DPP6: variants seen among roughly 807,000 people sequenced by gnomAD.
DPP6 encodes A-type potassium channel modulatory protein DPP6.
DPP6 carries 69 observed loss-of-function variants against 122.6 expected under a neutral mutation model. The observed-to-expected ratio is 0.56, with a 90% confidence interval of 0.46 to 0.69. The LOEUF (loss-of-function observed/expected upper bound fraction) is 0.69, where lower values mean the gene tolerates loss of function less well. Among genes scored for constraint, DPP6 ranks in the 30% least tolerant of loss-of-function variants. DPP6 has a pLI of 0.00. For synonymous variants in DPP6, 418 were observed against 433.1 expected (o/e 0.97, Z 0.43); for missense variants, 928 against 1,116.9 (o/e 0.83, Z 2.41).
intron 1 of DPP6, among the ~76,000 whole-genome samples, chr7:154,196,349 G>A (rs1038636308): frequency 3.3e-5 from 5 of 152,136 alleles, no homozygotes; most frequent in African/African-American, 1.2e-4. Context: ...AATTAGCTGG[G>A]CACGTTGGTT....
chr7:154,829,504 G>GAAGA (rs112426473), intron 16 of DPP6, among the ~76,000 whole-genome samples: 112,115 of 140,574 alleles, frequency 0.8, 45,020 homozygotes, highest in Non-Finnish European at 0.84. Flanking sequence ...GGGAAGGAAG[G>GAAGA]AAGGAAGGAA....
intron 1 of DPP6, among the ~76,000 whole-genome samples, chr7:154,225,911 G>A (rs552258417): frequency 6.6e-6 from 1 of 152,186 alleles, no homozygotes; most frequent in East Asian, 1.9e-4. Context: ...ATGCTTCAAA[G>A]CAACCTCACA....
At position 154,755,424 on chromosome 7, in the gene DPP6, T is replaced by C. The variant is rs1214462678; in HGVS notation, c.884-13993T>C. Among the ~76,000 whole-genome samples the C allele has an allele frequency of 6.6e-6, 1 of 152,286 alleles. No homozygotes were observed. The highest frequency in any genetic ancestry group is 1.5e-5 in the Non-Finnish European group (1 of 68,024). ...GAAATGTCTCTGTCAGTATTTCCCA[T>C]GGGTTATCTCTCACTTACTAGCTGT... On this transcript the variant is annotated intron_variant, in intron 8 of 25. Coordinates refer to ENST00000377770, the MANE Select transcript of DPP6 (RefSeq NM_130797.4). The surrounding 1 kb of genome is among the most constrained non-coding windows in gnomAD (Gnocchi z 4.7).
chr7:154,242,090 C>T (rs1801657316), intron 1 of DPP6, among the ~76,000 whole-genome samples: 2 of 152,208 alleles, frequency 1.3e-5, no homozygotes, highest in African/African-American at 2.4e-5. Flanking sequence ...AAAGTGCTGT[C>T]AGTTCCCTCT....
intron 1 of DPP6, among the ~76,000 whole-genome samples, chr7:153,920,981 C>T (rs1229824238): frequency 1.3e-5 from 2 of 152,242 alleles, no homozygotes; most frequent in African/African-American, 4.8e-5. Flanking sequence ...AGGGCATCTA[C>T]CCACACGATC....
chr7:153,935,337 C>A (rs546299170), intron 1 of DPP6, among the ~76,000 whole-genome samples: 9 of 152,220 alleles, frequency 5.9e-5, no homozygotes, highest in South Asian at 2.1e-4. Context: ...CTCCTCTAAC[C>A]CTAGCGTTAG....
chr7:154,082,610 T>A (rs142652512), intron 1 of DPP6, among the ~76,000 whole-genome samples: 3,467 of 152,012 alleles, frequency 0.023, 147 homozygotes, highest in African/African-American at 0.079. Flanking sequence ...TAAGCATTAG[T>A]TGCCATTCCT....
At chr7:154,615,032 A>G (rs896186884) in intron 5 of DPP6, among the ~76,000 whole-genome samples, 32 of 152,124 alleles carry the variant, frequency 2.1e-4, no homozygotes, top group African/African-American at 7.7e-4. Context: ...CCCCTATTTG[A>G]CAAGAGACGG....
chr7:154,510,963 CACACACACAGAG>C (rs1298279416), intron 3 of DPP6, among the ~76,000 whole-genome samples: 4 of 129,918 alleles, frequency 3.1e-5, no homozygotes, highest in Non-Finnish European at 6.8e-5. Flanking sequence ...CACACACACA[CACACACACAGAG>C]AGAGAGAGAG....
At chr7:153,936,449 A>G (rs1801444919) in intron 1 of DPP6, among the ~76,000 whole-genome samples, 1 of 152,054 alleles carries the variant, frequency 6.6e-6, no homozygotes. Context: ...CAGTGCATAG[A>G]TAGACGGTGT....
rs1345818922 is a variant in DPP6, at chr7:154,481,985, G to C, written c.457+6948G>C. 1.3e-5 allele frequency among the ~76,000 whole-genome samples: 2 copies of C among 152,188 alleles called. No homozygotes were observed. The highest frequency in any genetic ancestry group is 2.4e-5 in the African/African-American group (1 of 41,436). Reference sequence around the variant, plus strand: ...GTGGCCGTCCACGAAGACTTCTTGGGCATTTTCTCATTTGATACTTAAACA... The same window carrying C: ...GTGGCCGTCCACGAAGACTTCTTGGCCATTTTCTCATTTGATACTTAAACA... On this transcript the variant is annotated intron_variant, in intron 3 of 25. Transcript: ENST00000377770. The surrounding 1 kb of genome is among the most constrained non-coding windows in gnomAD (Gnocchi z 4.2).
the DPP6 span, among the ~76,000 whole-genome samples, chr7:153,869,086 T>C: frequency 6.6e-6 from 1 of 152,304 alleles, no homozygotes; most frequent in African/African-American, 2.4e-5. Flanking sequence ...GTGGTCAATT[T>C]TGGAATAGGT....
intron 1 of DPP6, among the ~76,000 whole-genome samples, chr7:154,011,846 A>G (rs3980027): frequency 0.02 from 2,989 of 150,886 alleles, 49 homozygotes; most frequent in East Asian, 0.068. Flanking sequence ...CACAGACGAG[A>G]AAATGAGTTT....
chr7:154,409,215 A>C (rs1816383260), intron 1 of DPP6, among the ~76,000 whole-genome samples: 1 of 152,232 alleles, frequency 6.6e-6, no homozygotes, highest in Non-Finnish European at 1.5e-5. Flanking sequence ...AGAGATAATT[A>C]AATTAAAATG....
intron 1 of DPP6, among the ~76,000 whole-genome samples, chr7:154,166,174 T>C (rs1797236768): frequency 6.6e-6 from 1 of 152,160 alleles, no homozygotes; most frequent in Non-Finnish European, 1.5e-5. Context: ...TTTCTTTCAT[T>C]CTCTATTTTA....
intron 10 of DPP6, among the ~76,000 whole-genome samples, chr7:154,781,495 C>T (rs937682222): frequency 2.3e-4 from 35 of 152,150 alleles, no homozygotes; most frequent in African/African-American, 7.7e-4. Flanking sequence ...TGGAAACAGA[C>T]ACCAAATAGT....
intron 1 of DPP6, among the ~76,000 whole-genome samples, chr7:154,359,220 C>T (rs1156959404): frequency 6.6e-6 from 1 of 152,156 alleles, no homozygotes; most frequent in Non-Finnish European, 1.5e-5. Context: ...TTCGGGTGGT[C>T]TGTCTCCATG....
intron 16 of DPP6, among the ~76,000 whole-genome samples, chr7:154,843,882 C>A (rs1262742492): frequency 6.6e-6 from 1 of 152,200 alleles, no homozygotes; most frequent in Non-Finnish European, 1.5e-5. Context: ...GGCATCAAAG[C>A]GTATTTTCAT....
At chr7:154,664,508 C>G (rs1838019274) in intron 6 of DPP6, among the ~76,000 whole-genome samples, 1 of 152,094 alleles carries the variant, frequency 6.6e-6, no homozygotes, top group Non-Finnish European at 1.5e-5. Flanking sequence ...CAAATAAACA[C>G]AGGTCAAGTG....
Sources: gnomAD v4.1 joint callset for allele counts (sites outside exome capture counted in the v4.1 genomes callset) on GRCh38, gnomAD v4.1.1 for gene constraint, Gnocchi (gnomAD v3.1) non-coding constraint, MANE v1.5 for transcripts, NCBI Gene and HGNC (gene_info 2026-07-23, HGNC 2026-07-21) for gene names.